The following VPS41 variants were observed in gnomAD, a reference collection of about 807,000 sequenced individuals.
VPS41 encodes the protein VPS41 subunit of HOPS complex.
Under a neutral mutation model 130.9 loss-of-function variants are expected in VPS41, and 85 were observed. The ratio of observed to expected loss-of-function variants is 0.65; its 90% CI spans 0.55 to 0.78. The LOEUF (loss-of-function observed/expected upper bound fraction) is 0.78. Ranked by LOEUF, VPS41 falls within the 30% of genes least tolerant of loss-of-function variation. The pLI is 0.00. For missense variants in VPS41, 874 were observed against 1,018.7 expected (o/e 0.86, Z 1.93); for synonymous variants, 335 against 332.9 (o/e 1.01, Z -0.07).
At chr7:38,788,016 T>C (rs1584396335) in intron 10 of VPS41, among the ~76,000 whole-genome samples, 1 of 152,312 alleles carries the variant, frequency 6.6e-6, no homozygotes, top group South Asian at 2.1e-4. Flanking sequence ...GGGCCACCAC[T>C]GAGCCAGCTA....
At chr7:38,829,941 C>T (rs1346189926) in intron 5 of VPS41, among the ~76,000 whole-genome samples, 1 of 152,216 alleles carries the variant, frequency 6.6e-6, no homozygotes, top group African/African-American at 2.4e-5. Flanking sequence ...AAACTACTGT[C>T]TTGCAGGAAC....
At chr7:38,897,527 C>T (rs1398553299) in intron 2 of VPS41, among the ~76,000 whole-genome samples, 1 of 151,894 alleles carries the variant, frequency 6.6e-6, no homozygotes, top group Non-Finnish European at 1.5e-5. Context: ...CGCCTGTAGT[C>T]CCAGTTACTC....
chr7:38,900,380 G>C (rs1241426376), intron 1 of VPS41, among the ~76,000 whole-genome samples: 1 of 152,074 alleles, frequency 6.6e-6, no homozygotes, highest in Non-Finnish European at 1.5e-5. Flanking sequence ...AAAGAGTAGA[G>C]AATGGCAGAC....
chr7:38,756,438 A>G (rs574048503), intron 19 of VPS41, among the ~76,000 whole-genome samples: 1 of 152,350 alleles, frequency 6.6e-6, no homozygotes, highest in Middle Eastern at 3.4e-3. Context: ...AAGAAATAAA[A>G]TAGTAATAAG....
intron 3 of VPS41, among the ~76,000 whole-genome samples, chr7:38,864,324 T>C (rs1394654126): frequency 6.6e-6 from 1 of 152,180 alleles, no homozygotes; most frequent in South Asian, 2.1e-4. Context: ...CCTTCCCTTC[T>C]TTTTTCTAAA....
intron 4 of VPS41, among the ~76,000 whole-genome samples, chr7:38,831,812 T>C (rs1451895095): frequency 6.6e-6 from 1 of 152,232 alleles, no homozygotes; most frequent in African/African-American, 2.4e-5. Flanking sequence ...ACAGTGCTAC[T>C]AAGGGCTATG....
Position 38,795,516 on chromosome 7 carries a change from G to A in VPS41, c.666C>T (p.Leu222=). 1 of 1,613,606 alleles carries A rather than the reference G, an allele frequency of 6.2e-7. No individual in the cohort carries two copies. The highest frequency in any genetic ancestry group is 8.5e-7 in the Non-Finnish European group (1 of 1,179,688). The change falls in exon 9 of 29, where the codon CTC becomes CTT. Residue 222 remains leucine (L), a synonymous_variant. Transcript: ENST00000310301. ...SLRPDMYPCS[L]CWKDNVTLII... ...TCAGTGTCACATTGTCCTTCCAGCA[G>A]AGGCTGCAGGGATACATGTCTGGGC...
chr7:38,799,792 T>C (rs992346235), intron 7 of VPS41, among the ~76,000 whole-genome samples: 3 of 152,260 alleles, frequency 2.0e-5, no homozygotes, highest in African/African-American at 2.4e-5. Context: ...TCCAGACAGA[T>C]AGTAAAACAT....
Position 38,887,218 on chromosome 7 carries a change from A to G in VPS41, c.60+10873T>C, listed in dbSNP as rs879773192. Among the ~76,000 whole-genome samples the G allele has an allele frequency of 2.8e-4, 42 of 152,204 alleles. 1 individual carries two copies. The highest frequency in any genetic ancestry group is 2.6e-3 in the Admixed American group (40 of 15,288). Reference sequence around the variant, plus strand: ...GAAGTAGGCTTCAAAGGCCGGTAATAACTAACTTCTCCAAACTAAAGCAGC... The same window carrying G: ...GAAGTAGGCTTCAAAGGCCGGTAATGACTAACTTCTCCAAACTAAAGCAGC... On this transcript the variant is annotated intron_variant, in intron 2 of 28. Coordinates refer to ENST00000310301, the MANE Select transcript of VPS41 (RefSeq NM_014396.4).
At chr7:38,751,830 C>G (rs1322176014) in intron 22 of VPS41, among the ~76,000 whole-genome samples, 1 of 152,166 alleles carries the variant, frequency 6.6e-6, no homozygotes, top group African/African-American at 2.4e-5. Context: ...TGTCTCCCTC[C>G]CAGGCTCTTG....
intron 3 of VPS41, among the ~76,000 whole-genome samples, chr7:38,865,753 A>T (rs933042843): frequency 9.2e-5 from 14 of 152,228 alleles, no homozygotes; most frequent in Admixed American, 1.3e-4. Context: ...GAAATTATGG[A>T]TGACACATCT....
chr7:38,875,020 G>A (rs551762531), intron 2 of VPS41, among the ~76,000 whole-genome samples: 55 of 152,206 alleles, frequency 3.6e-4, no homozygotes, highest in Non-Finnish European at 7.1e-4. Flanking sequence ...CTATTAAGAG[G>A]AGAGAATAGA....
At chr7:38,872,164 G>C (rs1786379395) in intron 2 of VPS41, among the ~76,000 whole-genome samples, 1 of 152,160 alleles carries the variant, frequency 6.6e-6, no homozygotes, top group South Asian at 2.1e-4. Context: ...TCAAATGGCT[G>C]GCAAGTTGGT....
intron 10 of VPS41, among the ~76,000 whole-genome samples, chr7:38,784,647 G>T (rs559809242): frequency 7.1e-6 from 1 of 141,374 alleles, no homozygotes; most frequent in African/African-American, 2.6e-5. Context: ...AGAAGGAGGG[G>T]GGGAGTTAGG....
At chr7:38,816,267 G>A (rs1785047243) in intron 7 of VPS41, among the ~76,000 whole-genome samples, 1 of 152,114 alleles carries the variant, frequency 6.6e-6, no homozygotes, top group Admixed American at 6.5e-5. Flanking sequence ...GGGGGAAGGA[G>A]GGGCTCTCTA....
intron 4 of VPS41, among the ~76,000 whole-genome samples, chr7:38,856,729 T>C (rs922045359): frequency 5.3e-5 from 8 of 152,008 alleles, no homozygotes; most frequent in South Asian, 4.2e-4. Flanking sequence ...ACAAGTGAAA[T>C]AGTAGTAATA....
At chr7:38,873,341 G>T (rs928681953) in intron 2 of VPS41, among the ~76,000 whole-genome samples, 1 of 151,326 alleles carries the variant, frequency 6.6e-6, no homozygotes, top group Non-Finnish European at 1.5e-5. Flanking sequence ...TGAAAAATAC[G>T]ATTCATGGAG....
At chr7:38,774,080 A>G in intron 12 of VPS41, 35 bp downstream of exon 12, 1 of 1,542,198 alleles carries the variant, frequency 6.5e-7, no homozygotes, top group Non-Finnish European at 8.8e-7. Flanking sequence ...AAAACATTAA[A>G]AAAGCATATC....
intron 25 of VPS41, among the ~76,000 whole-genome samples, chr7:38,736,737 T>C (rs1795776810): frequency 1.3e-5 from 2 of 152,172 alleles, no homozygotes; most frequent in South Asian, 4.1e-4. Context: ...TCACAGACAC[T>C]GCTAGAATAG....
Sources: allele counts gnomAD v4.1 joint callset (sites outside exome capture counted in the v4.1 genomes callset), GRCh38; gene constraint gnomAD v4.1.1; transcripts MANE v1.5; gene names NCBI Gene and HGNC (gene_info 2026-07-23, HGNC 2026-07-21).